Variants in TRIO observed in about 807,000 individuals in gnomAD.
The protein encoded by TRIO is trio Rho guanine nucleotide exchange factor, also known as triple functional domain protein.
TRIO carries 58 observed loss-of-function variants against 351.9 expected under a neutral mutation model. The observed-to-expected ratio is 0.16, with a 90% CI of 0.13 to 0.21. TRIO has a LOEUF of 0.21. Among genes scored for constraint, TRIO ranks in the 10% least tolerant of loss-of-function variants. TRIO has a pLI of 1.00. For synonymous variants in TRIO, 1,758 were observed against 1,595.7 expected (o/e 1.10, Z -2.42); for missense variants, 3,201 against 4,027.8 (o/e 0.79, Z 5.56).
At chr5:14,308,592 AT>A (rs1738597238) in intron 8 of TRIO, among the ~76,000 whole-genome samples, 1 of 150,582 alleles carries the variant, frequency 6.6e-6, no homozygotes, top group Non-Finnish European at 1.5e-5. Context: ...CCAATCATTC[AT>A]TCATTGATGC....
chr5:14,334,295 A>G (rs1741193995), intron 10 of TRIO, among the ~76,000 whole-genome samples: 1 of 152,190 alleles, frequency 6.6e-6, no homozygotes, highest in Non-Finnish European at 1.5e-5. Context: ...AAACCTGGCC[A>G]GGGGTTTCAG....
Position 14,462,860 on chromosome 5 carries a change from C to T in TRIO, c.5602C>T (p.Pro1868Ser). The change falls in exon 36 of 57, where the codon CCC becomes TCC. Residue 1868 changes from proline (P) to serine (S), a missense_variant. Around this residue, in one of 19 missense-constraint regions of TRIO, gnomAD observed 307 missense variants for 396.5 expected, o/e 0.77. Transcript: ENST00000344204. ...EEGEEGADAV[P>S]LPPPMAIQQH... ...AGGCGAGGAGGGGGCCGACGCCGTG[C>T]CCCTGCCGCCACCCATGGCCATCCA... is the stretch of plus-strand genomic sequence containing the variant. The T allele has an allele frequency of 1.9e-6, 3 of 1,612,694 alleles. No homozygotes were observed. Among genetic ancestry groups the T allele is most frequent in the Non-Finnish European group, 2.5e-6 (3 of 1,179,330 alleles).
At chr5:14,254,328 C>T (rs536887466) in intron 1 of TRIO, among the ~76,000 whole-genome samples, 8 of 152,210 alleles carry the variant, frequency 5.3e-5, no homozygotes, top group East Asian at 1.9e-4. Flanking sequence ...GGATTACAGG[C>T]GCCCGGCTAA....
At chr5:14,360,881 A>C (rs1231225580) in intron 13 of TRIO, among the ~76,000 whole-genome samples, 1 of 152,228 alleles carries the variant, frequency 6.6e-6, no homozygotes, top group Non-Finnish European at 1.5e-5. Context: ...AACCCTAAAC[A>C]TGTGGCATGG....
chr5:14,337,843 C>T (rs1741566473), intron 11 of TRIO, among the ~76,000 whole-genome samples: 2 of 152,226 alleles, frequency 1.3e-5, no homozygotes, highest in South Asian at 4.2e-4. Flanking sequence ...CACTGGGACC[C>T]CTGGGGTTTG....
chr5:14,147,900 T>C (rs897125045), intron 1 of TRIO, among the ~76,000 whole-genome samples: 1 of 152,232 alleles, frequency 6.6e-6, no homozygotes, highest in Non-Finnish European at 1.5e-5. Context: ...ATTTCAAAAA[T>C]AGAAACTGAA....
At position 14,340,118 on chromosome 5, in the gene TRIO, G is replaced by T. The variant is rs548331358; in HGVS notation, c.2046+3391G>T. ...TAGAAAAAGTAGCTTGTCTTGGCTG[G>T]GCGTGGTGATTCACGCCTGTAATCC... is the stretch of plus-strand genomic sequence containing the variant. On this transcript the variant is annotated intron_variant, in intron 11 of 56. Transcript: ENST00000344204. 3.3e-5 allele frequency among the ~76,000 whole-genome samples: 5 copies of T among 152,120 alleles called. No individual in the cohort carries two copies. In the East Asian group the frequency reaches 9.7e-4, roughly 29 times the overall value.
At chr5:14,335,022 C>CGT (rs144645388) in intron 10 of TRIO, among the ~76,000 whole-genome samples, 38,179 of 150,496 alleles carry the variant, frequency 0.25, 5,326 homozygotes, top group African/African-American at 0.39. Flanking sequence ...AGATCTGTCT[C>CGT]GTGTGTGTGT....
At chr5:14,412,012 G>A (rs1463405330) in intron 33 of TRIO, among the ~76,000 whole-genome samples, 1 of 148,654 alleles carries the variant, frequency 6.7e-6, no homozygotes, top group Non-Finnish European at 1.5e-5. Flanking sequence ...TTTTGAGATG[G>A]AGTCTTGCTC....
chr5:14,228,050 G>C (rs1444014322), intron 1 of TRIO, among the ~76,000 whole-genome samples: 1 of 152,192 alleles, frequency 6.6e-6, no homozygotes, highest in African/African-American at 2.4e-5. Context: ...GTGGGGGCCT[G>C]TGTGGAGAGG....
At chr5:14,437,703 G>A (rs1751706663) in intron 34 of TRIO, among the ~76,000 whole-genome samples, 1 of 128,498 alleles carries the variant, frequency 7.8e-6, no homozygotes, top group Non-Finnish European at 1.7e-5. Context: ...CCGCCCCAAG[G>A]ACCTCATTTT....
intron 48 of TRIO, among the ~76,000 whole-genome samples, chr5:14,491,208 T>C: frequency 6.6e-6 from 1 of 152,176 alleles, no homozygotes; most frequent in East Asian, 1.9e-4. Context: ...CTCTGGTCCT[T>C]TTGGCCAGCT....
chr5:14,367,121 C>G, intron 16 of TRIO, 142 bp downstream of exon 16: 1 of 1,167,066 alleles, frequency 8.6e-7, no homozygotes, highest in Admixed American at 2.7e-5. Context: ...ATTGGCAACG[C>G]TTCTAAGTCT....
At chr5:14,402,664 G>A (rs993065758) in intron 31 of TRIO, among the ~76,000 whole-genome samples, 2 of 151,874 alleles carry the variant, frequency 1.3e-5, no homozygotes, top group African/African-American at 2.4e-5. Flanking sequence ...GGGTAAGGGT[G>A]TAGAGGAAGG....
At chr5:14,351,712 A>T (rs544711672) in intron 11 of TRIO, among the ~76,000 whole-genome samples, 1 of 152,248 alleles carries the variant, frequency 6.6e-6, no homozygotes, top group Non-Finnish European at 1.5e-5. Flanking sequence ...ACATAGGATA[A>T]GGACCCCAGG....
chr5:14,170,489 A>G (rs1657903049), intron 1 of TRIO, among the ~76,000 whole-genome samples: 1 of 149,144 alleles, frequency 6.7e-6, no homozygotes, highest in African/African-American at 2.5e-5. Context: ...AACAGTCACT[A>G]AAAGTGAAGC....
chr5:14,340,890 G>A (rs901345176), intron 11 of TRIO, among the ~76,000 whole-genome samples: 2 of 152,190 alleles, frequency 1.3e-5, no homozygotes, highest in Non-Finnish European at 2.9e-5. Context: ...AATGCAGCAG[G>A]TGGTTGATAG....
intron 34 of TRIO, among the ~76,000 whole-genome samples, chr5:14,438,844 T>C (rs1340323554): frequency 6.6e-6 from 1 of 152,244 alleles, no homozygotes; most frequent in African/African-American, 2.4e-5. Flanking sequence ...ATGCCTTTAA[T>C]TGAGATAATT....
intron 34 of TRIO, among the ~76,000 whole-genome samples, chr5:14,452,165 C>A (rs1752890636): frequency 6.6e-6 from 1 of 152,214 alleles, no homozygotes; most frequent in African/African-American, 2.4e-5. Context: ...GGGTTTGTGA[C>A]CCTGGCTGTC....
Sources: allele counts gnomAD v4.1 joint callset (sites outside exome capture counted in the v4.1 genomes callset), GRCh38; gene constraint gnomAD v4.1.1; regional missense constraint gnomAD v4.1.1; transcripts MANE v1.5; gene names NCBI Gene and HGNC (gene_info 2026-07-23, HGNC 2026-07-21).